CNTN1: variants seen among roughly 807,000 people sequenced by gnomAD.
The protein encoded by CNTN1 is contactin 1.
CNTN1 carries 38 observed loss-of-function variants against 126.4 expected under a neutral mutation model. The ratio of observed to expected loss-of-function variants is 0.30; its 90% CI spans 0.23 to 0.39. The LOEUF is 0.39. Among genes scored for constraint, CNTN1 ranks in the 10% least tolerant of loss-of-function variants. The pLI, the probability that CNTN1 is intolerant of heterozygous loss-of-function variation, is 1.00. For synonymous variants in CNTN1, 413 were observed against 422.6 expected (o/e 0.98, Z 0.28); for missense variants, 1,009 against 1,248.4 (o/e 0.81, Z 2.89).
intron 23 of CNTN1, among the ~76,000 whole-genome samples, chr12:41,051,694 G>C (rs1284236998): frequency 6.6e-6 from 1 of 152,014 alleles, no homozygotes; most frequent in Non-Finnish European, 1.5e-5. Flanking sequence ...CTATAGAAGT[G>C]AGCACCCTGG....
At position 40,924,578 on chromosome 12, in the gene CNTN1, A is replaced by C; in HGVS notation, c.422A>C (p.Glu141Ala). Residue 141 changes from glutamate (E) to alanine (A), a missense_variant, in exon 6 of 24, where the codon GAG (glutamate) becomes GCG (alanine). Coordinates refer to ENST00000551295, the MANE Select transcript of CNTN1 (RefSeq NM_001843.4). Reference sequence around the variant, plus strand: ...TTAGATCTTGATCCTTTCCCACCTGAGGAACGTCCTGAGGTCAGAGTAAAA... The same window carrying C: ...TTAGATCTTGATCCTTTCCCACCTGCGGAACGTCCTGAGGTCAGAGTAAAA... ...SFGYLDPFPP[E>A]ERPEVRVKEG... The C allele has an allele frequency of 1.3e-6, 2 of 1,598,722 alleles. No individual in the cohort carries two copies. Among genetic ancestry groups the C allele is most frequent in the Non-Finnish European group, 1.7e-6 (2 of 1,166,800 alleles).
intron 1 of CNTN1, among the ~76,000 whole-genome samples, chr12:40,816,746 T>G (rs978092144): frequency 1.3e-5 from 2 of 152,146 alleles, no homozygotes; most frequent in South Asian, 2.1e-4. Context: ...AGAGATTGAT[T>G]TGAGATCCTT....
At chr12:40,974,130 A>C (rs1161638615) in intron 15 of CNTN1, among the ~76,000 whole-genome samples, 3 of 152,188 alleles carry the variant, frequency 2.0e-5, no homozygotes, top group Non-Finnish European at 2.9e-5. Flanking sequence ...ATGAAAACTG[A>C]GTAAAAATCA....
rs374344592 is a variant in CNTN1 at position 40,757,954 on chromosome 12, T to C, written c.-77+65362T>C. On this transcript the variant is annotated intron_variant, in intron 1 of 23. Coordinates refer to ENST00000551295, the MANE Select transcript of CNTN1 (RefSeq NM_001843.4). Reference sequence around the variant, plus strand: ...TATATATAGAAAAGTAGAAATAGCATGGTATAGTAGAATGAGCACTTGGTG... The same window carrying C: ...TATATATAGAAAAGTAGAAATAGCACGGTATAGTAGAATGAGCACTTGGTG... 7.9e-5 allele frequency among the ~76,000 whole-genome samples: 12 copies of C among 151,966 alleles called. No individual in the cohort carries two copies. The East Asian group carries it at 9.6e-4, about 12-fold the overall frequency.
intron 1 of CNTN1, among the ~76,000 whole-genome samples, chr12:40,786,244 G>C (rs10047513): frequency 0.031 from 4,770 of 152,254 alleles, 152 homozygotes; most frequent in African/African-American, 0.084. Context: ...GCTCTAGGTT[G>C]AAGGTTGCAC....
chr12:40,792,460 A>G (rs1940253612), intron 1 of CNTN1, among the ~76,000 whole-genome samples: 1 of 151,220 alleles, frequency 6.6e-6, no homozygotes, highest in Admixed American at 6.6e-5. Context: ...AATGACTTTT[A>G]TTTGTCTTTC....
At chr12:41,020,125 C>T (rs1030398541) in intron 19 of CNTN1, among the ~76,000 whole-genome samples, 1 of 151,814 alleles carries the variant, frequency 6.6e-6, no homozygotes, top group Non-Finnish European at 1.5e-5. Flanking sequence ...TGTGTGTGCA[C>T]ATGTATCACT....
intron 1 of CNTN1, among the ~76,000 whole-genome samples, chr12:40,767,898 G>A (rs938889847): frequency 2.0e-4 from 31 of 152,004 alleles, no homozygotes; most frequent in African/African-American, 7.5e-4. Flanking sequence ...GCCCATTAAT[G>A]TTTCTTTAAT....
chr12:40,956,735 T>C (rs553978052), intron 14 of CNTN1, among the ~76,000 whole-genome samples: 2 of 152,200 alleles, frequency 1.3e-5, no homozygotes, highest in East Asian at 3.9e-4. Flanking sequence ...AATAATGCTA[T>C]GGCTTTTGTC....
intron 1 of CNTN1, among the ~76,000 whole-genome samples, chr12:40,901,547 G>A (rs1260941667): frequency 6.6e-6 from 1 of 152,180 alleles, no homozygotes; most frequent in Non-Finnish European, 1.5e-5. Context: ...AGGTTGGAAT[G>A]TTTGATACTC....
chr12:41,040,136 C>A (rs1949365041), intron 23 of CNTN1, among the ~76,000 whole-genome samples: 1 of 152,090 alleles, frequency 6.6e-6, no homozygotes, highest in Non-Finnish European at 1.5e-5. Context: ...TCTTTTGAAG[C>A]TTCATCTTCA....
chr12:41,014,136 G>A, intron 17 of CNTN1, 92 bp from the exon 18 acceptor site: 1 of 1,147,450 alleles, frequency 8.7e-7, no homozygotes, highest in Non-Finnish European at 1.3e-6. Context: ...AACATTTGTG[G>A]TTTCTGTGGT....
chr12:41,064,786 T>TAGATAGAC (rs1555207083), intron 23 of CNTN1, among the ~76,000 whole-genome samples: 26 of 152,060 alleles, frequency 1.7e-4, no homozygotes, highest in African/African-American at 5.8e-4. Flanking sequence ...GATAGATAGA[T>TAGATAGAC]AGATAGATAG....
intron 1 of CNTN1, among the ~76,000 whole-genome samples, chr12:40,873,241 T>A (rs1943565462): frequency 6.6e-6 from 1 of 152,230 alleles, no homozygotes; most frequent in African/African-American, 2.4e-5. Context: ...TTAACCTTTT[T>A]ACACACAAAT....
chr12:40,765,950 C>T (rs751261698), intron 1 of CNTN1, among the ~76,000 whole-genome samples: 23 of 152,148 alleles, frequency 1.5e-4, no homozygotes, highest in Non-Finnish European at 2.8e-4. Flanking sequence ...AAAGATATAT[C>T]CAATGTTGTG....
intron 1 of CNTN1, among the ~76,000 whole-genome samples, chr12:40,810,935 T>TG (rs1941037396): frequency 6.6e-6 from 1 of 152,134 alleles, no homozygotes; most frequent in Admixed American, 6.6e-5. Context: ...CCCAGAAGTT[T>TG]GAGGTTACAA....
At chr12:40,986,999 G>A (rs1169070824) in intron 16 of CNTN1, among the ~76,000 whole-genome samples, 4 of 152,032 alleles carry the variant, frequency 2.6e-5, no homozygotes, top group African/African-American at 4.8e-5. Context: ...ATGAATTTTA[G>A]TCCATTGTGT....
At position 40,919,153 on chromosome 12, in the gene CNTN1, T is replaced by C. The variant is rs572438759; in HGVS notation, c.227+382T>C. On this transcript the variant is annotated intron_variant, in intron 4 of 23. Transcript: ENST00000551295. Reference sequence around the variant, plus strand: ...GGCCTGCATAACTCATACCTACAGATATGGATAAATTTTTATATTAAGTAC... The same window carrying C: ...GGCCTGCATAACTCATACCTACAGACATGGATAAATTTTTATATTAAGTAC... Among the ~76,000 whole-genome samples the C allele has an allele frequency of 2.6e-5, 4 of 152,260 alleles. No individual in the cohort carries two copies. The South Asian group carries it at 6.2e-4, about 24-fold the overall frequency.
chr12:40,980,571 T>C (rs1947796093), intron 15 of CNTN1, among the ~76,000 whole-genome samples: 1 of 152,146 alleles, frequency 6.6e-6, no homozygotes, highest in East Asian at 1.9e-4. Context: ...ATTCATGCAT[T>C]CAGCAAGAAT....
Sources: gnomAD v4.1 joint callset for allele counts (sites outside exome capture counted in the v4.1 genomes callset) on GRCh38, gnomAD v4.1.1 for gene constraint, MANE v1.5 for transcripts, NCBI Gene and HGNC (gene_info 2026-07-23, HGNC 2026-07-21) for gene names.